EXOSC6: variants seen among roughly 807,000 people sequenced by gnomAD.
EXOSC6 encodes the protein exosome complex component MTR3.
EXOSC6 carries 21 observed loss-of-function variants against 16.7 expected under a neutral mutation model. That is an observed-to-expected ratio of 1.26 (90% CI 0.89 to 1.82). The LOEUF is 1.82. EXOSC6 is among the 40% of genes most tolerant of loss of function. EXOSC6 has a pLI of 0.00. For missense variants in EXOSC6, 538 were observed against 415.7 expected, an observed-to-expected ratio of 1.29 and a Z score of -2.56; for synonymous variants, 297 against 217.1, an observed-to-expected ratio of 1.37 and a Z score of -3.24.
At position 70,251,361 on chromosome 16, in the gene EXOSC6, C is replaced by A; in HGVS notation, c.540G>T (p.Val180=). The A allele has an allele frequency of 7.2e-7, 1 of 1,385,664 alleles. No individual in the cohort carries two copies. The highest frequency in any genetic ancestry group is 9.3e-7 in the Non-Finnish European group (1 of 1,075,684). The allele number at this position is 1,385,664 out of a possible 1,614,324, so 85.8% of individuals were successfully genotyped here. ...GCGCGAGGCTGAGGCCGCAGCCCACCACCAGGTCGTACATCTCCACGCCCG... is the reference window on the plus strand; with the variant it reads ...GCGCGAGGCTGAGGCCGCAGCCCACAACCAGGTCGTACATCTCCACGCCCG... The part of the protein sequence containing the change: ...ADAGVEMYDL[V]VGCGLSLAPG... The change falls in exon 1 of 1, where the codon GTG becomes GTT. Residue 180 remains valine (V), a synonymous_variant. Coordinates refer to ENST00000435634, the MANE Select transcript of EXOSC6 (RefSeq NM_058219.3).
rs963013087 is a variant in EXOSC6, at chr16:70,250,828, G to T, written c.*254C>A. 4.9e-6 allele frequency: 2 copies of T among 409,570 alleles called. No homozygotes were observed. Among genetic ancestry groups the T allele is most frequent in the East Asian group, 7.3e-5 (2 of 27,254 alleles). The allele number at this position is 409,570 out of a possible 1,614,324, so 25.4% of individuals were successfully genotyped here. A position where few individuals can be genotyped will look rare whatever the true frequency, so the allele number is the denominator to read the frequency against. ...AAGAAACCCTGTCTCTAAAAAAAAG[G>T]TCCAGGTAATTTCAGGGTCCAGCTC... is the stretch of plus-strand genomic sequence containing the variant. On this transcript the variant is annotated 3_prime_UTR_variant, in exon 1 of 1. Transcript: ENST00000435634.
chr16:70,251,775 G>A lies in EXOSC6; in HGVS notation c.126C>T (p.Arg42=). The change falls in exon 1 of 1, where the codon CGC becomes CGT. Residue 42 remains arginine, a synonymous_variant. Transcript: ENST00000435634. ...CCTTGGCCTGGCTCAGCAGCCCGGCGCGCGCGTACACGGGCCGTAGCCGCG... is the reference window on the plus strand; with the variant it reads ...CCTTGGCCTGGCTCAGCAGCCCGGCACGCGCGTACACGGGCCGTAGCCGCG... ...DPTRLRPVYA[R]AGLLSQAKGS... 7 of 1,444,856 alleles carry A rather than the reference G, an allele frequency of 4.8e-6. No individual in the cohort carries two copies. Among genetic ancestry groups the A allele is most frequent in the Non-Finnish European group, 6.3e-6 (7 of 1,110,688 alleles). 89.5% of individuals were successfully genotyped at this position (1,444,856 alleles called of 1,614,324 possible).
rs1433367382 is a variant in EXOSC6 at position 70,251,679 on chromosome 16, G to A, written c.222C>T (p.Gly74=). The change falls in exon 1 of 1, where the codon GGC becomes GGT. Residue 74 remains glycine (G), a synonymous_variant. Transcript: ENST00000435634. The part of the protein sequence containing the change: ...CAVSGPRQAE[G]GERGGGPAGA... ...CGGCCGGGCCGCCGCCGCGCTCGCC[G>A]CCCTCGGCCTGTCGCGGGCCCGACA... The A allele has an allele frequency of 9.6e-6, 12 of 1,244,914 alleles. No individual in the cohort carries two copies. Among genetic ancestry groups the A allele is most frequent in the Non-Finnish European group, 1.2e-5 (12 of 997,770 alleles). 77.1% of individuals were successfully genotyped at this position (1,244,914 alleles called of 1,614,324 possible).
Position 70,251,347 on chromosome 16 carries a change from A to G in EXOSC6, c.554T>C (p.Leu185Pro), listed in dbSNP as rs2152148321. 1.4e-6 allele frequency: 2 copies of G among 1,379,594 alleles called. No individual in the cohort carries two copies. Among genetic ancestry groups the G allele is most frequent in the Non-Finnish European group, 9.3e-7 (1 of 1,072,744 alleles). 85.5% of individuals were successfully genotyped at this position (1,379,594 alleles called of 1,614,324 possible). ...EMYDLVVGCG[L>P]SLAPGPAPTW... ...GGGCGCGGGCCCCGGCGCGAGGCTG[A>G]GGCCGCAGCCCACCACCAGGTCGTA... Residue 185 changes from leucine to proline, a missense_variant, in exon 1 of 1, where the codon CTC (leucine) becomes CCC (proline). By Grantham distance (98) the Leu-to-Pro change is moderately conservative. Coordinates refer to ENST00000435634, the MANE Select transcript of EXOSC6 (RefSeq NM_058219.3).
Position 70,251,042 on chromosome 16 carries a change from C to A in EXOSC6, c.*40G>T, listed in dbSNP as rs199955950. 5.9e-5 allele frequency: 85 copies of A among 1,430,320 alleles called. No homozygotes were observed. The highest frequency in any genetic ancestry group is 7.1e-5 in the Non-Finnish European group (78 of 1,099,178). The allele number at this position is 1,430,320 out of a possible 1,614,324, so 88.6% of individuals were successfully genotyped here. A position where few individuals can be genotyped will look rare whatever the true frequency, so the allele number is the denominator to read the frequency against. On this transcript the variant is annotated 3_prime_UTR_variant, in exon 1 of 1. Coordinates refer to ENST00000435634, the MANE Select transcript of EXOSC6 (RefSeq NM_058219.3). Reference sequence around the variant, plus strand: ...GGTCTTTTCGTGGACGGCGGCAGCACGGTCCTCGGCTTGCGTCCGTAGTTG... The same window carrying A: ...GGTCTTTTCGTGGACGGCGGCAGCAAGGTCCTCGGCTTGCGTCCGTAGTTG...
chr16:70,251,104 C>G lies in EXOSC6; in HGVS notation c.797G>C (p.Arg266Thr), dbSNP rs781189003. 4.7e-6 allele frequency: 7 copies of G among 1,493,500 alleles called. No homozygotes were observed. In the African/African-American group the frequency reaches 5.9e-5, roughly 12 times the overall value. 92.5% of individuals were successfully genotyped at this position (1,493,500 alleles called of 1,614,324 possible). A position where few individuals can be genotyped will look rare whatever the true frequency, so the allele number is the denominator to read the frequency against. The change falls in exon 1 of 1, where the codon AGG becomes ACG. Residue 266 changes from arginine (R) to threonine (T), a missense_variant. Transcript: ENST00000435634. ...GGTTCAGGGCTGGGCGGCGGCGCCC[C>G]TGCGGCGGGCGGCCCGCACCAGGCT... is the stretch of plus-strand genomic sequence containing the variant. Reference protein sequence around the residue: ...QQSLVRAARRRGAAAQP With the variant: ...QQSLVRAARRTGAAAQP
In EXOSC6 at chr16:70,249,579, A is replaced by G. The variant is rs1597429502; in HGVS notation, c.*1503T>C. The G allele has an allele frequency of 1.3e-5, 2 of 152,272 alleles. No individual in the cohort carries two copies. Among genetic ancestry groups the G allele is most frequent in the African/African-American group, 4.8e-5 (2 of 41,548 alleles). 9.4% of individuals were successfully genotyped at this position (152,272 alleles called of 1,614,324 possible). On this transcript the variant is annotated 3_prime_UTR_variant, in exon 1 of 1. Transcript: ENST00000435634. ...TATTTAGTTCTTGTCTCCCTCTACA[A>G]ATGTGAAGCACTCTTCTATCCGGCA...
rs1959754381 is a variant in EXOSC6, at chr16:70,249,226, CCATCTCTACTAAAAATA to C, written c.*1839_*1855del. On this transcript the variant is annotated 3_prime_UTR_variant, in exon 1 of 1. Transcript: ENST00000435634. ...CCAGCATGGCCAACACAATGAAAAT[CCATCTCTACTAAAAATA>C]CAAAAATTAGCCAGGCTAATGGCAC... 3 of 151,736 alleles carry C rather than the reference CCATCTCTACTAAAAATA, an allele frequency of 2.0e-5. No homozygotes were observed. The South Asian group carries it at 6.3e-4, about 32-fold the overall frequency. The allele number at this position is 151,736 out of a possible 1,614,324, so 9.4% of individuals were successfully genotyped here. A position where few individuals can be genotyped will look rare whatever the true frequency, so the allele number is the denominator to read the frequency against.
Position 70,251,332 on chromosome 16 carries a change from C to A in EXOSC6, c.569G>T (p.Gly190Val), listed in dbSNP as rs1375003669. Residue 190 changes from glycine to valine, a missense_variant, in exon 1 of 1, where the codon GGG becomes GTG. Physicochemically the swap from Gly to Val is moderately radical, Grantham distance 109 (BLOSUM62 -3). Coordinates refer to ENST00000435634, the MANE Select transcript of EXOSC6 (RefSeq NM_058219.3). ...VVGCGLSLAP[G>V]PAPTWLLDPT... ...GTCCAGGAGCCAGGTGGGCGCGGGC[C>A]CCGGCGCGAGGCTGAGGCCGCAGCC... The A allele has an allele frequency of 3.6e-6, 5 of 1,380,838 alleles. No homozygotes were observed. In the South Asian group the frequency reaches 5.0e-5, roughly 14 times the overall value. 85.5% of individuals were successfully genotyped at this position (1,380,838 alleles called of 1,614,324 possible).
In EXOSC6 at chr16:70,251,490, G is replaced by A. The variant is rs1396593634; in HGVS notation, c.411C>T (p.Gly137=). The A allele has an allele frequency of 7.6e-7, 1 of 1,311,020 alleles. No homozygotes were observed. Among genetic ancestry groups the A allele is most frequent in the African/African-American group, 1.5e-5 (1 of 65,078 alleles). The allele number at this position is 1,311,020 out of a possible 1,614,324, so 81.2% of individuals were successfully genotyped here. A position where few individuals can be genotyped will look rare whatever the true frequency, so the allele number is the denominator to read the frequency against. The change falls in exon 1 of 1, where the codon GGC becomes GGT. Residue 137 remains glycine (G), a synonymous_variant. Transcript: ENST00000435634. ...QEALEPAVRL[G]RYPRAQLEVS... The stretch of plus-strand genomic sequence containing the variant: ...CCTCGAGCTGCGCGCGCGGGTAGCG[G>A]CCCAGGCGCACAGCCGGCTCCAGCG...
chr16:70,251,565 A>C lies in EXOSC6; in HGVS notation c.336T>G (p.Ala112=). 8.8e-7 allele frequency: 1 copy of C among 1,130,402 alleles called. No homozygotes were observed. Among genetic ancestry groups the C allele is most frequent in the South Asian group, 4.2e-5 (1 of 23,906 alleles). The allele number at this position is 1,130,402 out of a possible 1,614,324, so 70.0% of individuals were successfully genotyped here. A position where few individuals can be genotyped will look rare whatever the true frequency, so the allele number is the denominator to read the frequency against. ...CACGCTCCTCGCAGCCGCCCGGGGG[A>C]GCGCGGCGCCGGCGGCCCGCGAAGG... is the stretch of plus-strand genomic sequence containing the variant. The part of the protein sequence containing the change: ...RAPFAGRRRR[A]PPGGCEEREL... The change falls in exon 1 of 1, where the codon GCT becomes GCG. Residue 112 remains alanine, a synonymous_variant. Coordinates refer to ENST00000435634, the MANE Select transcript of EXOSC6 (RefSeq NM_058219.3).
chr16:70,250,980 C>T lies in EXOSC6; in HGVS notation c.*102G>A. 1 of 1,385,686 alleles carries T rather than the reference C, an allele frequency of 7.2e-7. No homozygotes were observed. The allele number at this position is 1,385,686 out of a possible 1,614,324, so 85.8% of individuals were successfully genotyped here. Reference sequence around the variant, plus strand: ...AACCACAGTCATATCAGGGCCCTTCCAGGAATTCTCGACGCAAACTGGAGG... The same window carrying T: ...AACCACAGTCATATCAGGGCCCTTCTAGGAATTCTCGACGCAAACTGGAGG... On this transcript the variant is annotated 3_prime_UTR_variant, in exon 1 of 1. Coordinates refer to ENST00000435634, the MANE Select transcript of EXOSC6 (RefSeq NM_058219.3).
In EXOSC6 at chr16:70,251,406, G is replaced by A; in HGVS notation, c.495C>T (p.Ala165=). 5.2e-6 allele frequency: 7 copies of A among 1,341,354 alleles called. No homozygotes were observed. The highest frequency in any genetic ancestry group is 6.6e-6 in the Non-Finnish European group (7 of 1,053,112). 83.1% of individuals were successfully genotyped at this position (1,341,354 alleles called of 1,614,324 possible). The change falls in exon 1 of 1, where the codon GCC becomes GCT. Residue 165 remains alanine (A), a synonymous_variant. Coordinates refer to ENST00000435634, the MANE Select transcript of EXOSC6 (RefSeq NM_058219.3). ...GSALAAALTA[A]ALALADAGVE... ...CGCCCGCGTCGGCCAGGGCGAGCGCGGCGGCGGTGAGCGCGGCGGCCAGGG... is the reference window on the plus strand; with the variant it reads ...CGCCCGCGTCGGCCAGGGCGAGCGCAGCGGCGGTGAGCGCGGCGGCCAGGG...
rs1487690347 is a variant in EXOSC6 at position 70,247,253 on chromosome 16, A to T, written c.*3829T>A. 1.9e-5 allele frequency: 3 copies of T among 155,010 alleles called. No homozygotes were observed. The highest frequency in any genetic ancestry group is 1.9e-4 in the Admixed American group (3 of 15,860). 9.6% of individuals were successfully genotyped at this position (155,010 alleles called of 1,614,324 possible). ...CATCTCAAAAAAAAAAATAATTAAT[A>T]AATAAATAAAATAAATATACTGAAA... On this transcript the variant is annotated 3_prime_UTR_variant, in exon 1 of 1. Coordinates refer to ENST00000435634, the MANE Select transcript of EXOSC6 (RefSeq NM_058219.3).
In EXOSC6 at chr16:70,251,922, C is replaced by G. The variant is rs1344318902; in HGVS notation, c.-22G>C. On this transcript the variant is annotated 5_prime_UTR_variant, in exon 1 of 1. Transcript: ENST00000435634. ...GCATGGCGGTTCTTGGCGTGCGAACCCCTTCCGCCCAACGCCCTGCCGCAT... is the reference window on the plus strand; with the variant it reads ...GCATGGCGGTTCTTGGCGTGCGAACGCCTTCCGCCCAACGCCCTGCCGCAT... 3.4e-6 allele frequency: 5 copies of G among 1,481,804 alleles called. No individual in the cohort carries two copies. The South Asian group carries it at 5.1e-5, about 15-fold the overall frequency. The allele number at this position is 1,481,804 out of a possible 1,614,324, so 91.8% of individuals were successfully genotyped here. A position where few individuals can be genotyped will look rare whatever the true frequency, so the allele number is the denominator to read the frequency against.
rs35401075 is a variant in EXOSC6, at chr16:70,248,771, C to CTTTTTTTTT, written c.*2302_*2310dup. The CTTTTTTTTT allele has an allele frequency of 2.0e-5, 2 of 98,134 alleles. No homozygotes were observed. The highest frequency in any genetic ancestry group is 4.2e-5 in the Non-Finnish European group (2 of 47,484). 6.1% of individuals were successfully genotyped at this position (98,134 alleles called of 1,614,324 possible). ...CACCATGCCTGACTTATTTTTTTTCCTTTTTTTTTTTTTTTTTTTTTTTTG... is the reference window on the plus strand; with the variant it reads ...CACCATGCCTGACTTATTTTTTTTCCTTTTTTTTTTTTTTTTTTTTTTTTTTTTTTTTTG... On this transcript the variant is annotated 3_prime_UTR_variant, in exon 1 of 1. Coordinates refer to ENST00000435634, the MANE Select transcript of EXOSC6 (RefSeq NM_058219.3).
At position 70,251,567 on chromosome 16, in the gene EXOSC6, C is replaced by G. The variant is rs867003845; in HGVS notation, c.334G>C (p.Ala112Pro). The G allele has an allele frequency of 1.8e-5, 20 of 1,121,506 alleles. No homozygotes were observed. The highest frequency in any genetic ancestry group is 2.2e-5 in the Non-Finnish European group (20 of 919,744). 69.5% of individuals were successfully genotyped at this position (1,121,506 alleles called of 1,614,324 possible). Reference protein sequence around the residue: ...RAPFAGRRRRAPPGGCEEREL... With the variant: ...RAPFAGRRRRPPPGGCEEREL... ...CGCTCCTCGCAGCCGCCCGGGGGAG[C>G]GCGGCGCCGGCGGCCCGCGAAGGGT... is the stretch of plus-strand genomic sequence containing the variant. Residue 112 changes from alanine to proline, a missense_variant, in exon 1 of 1, where the codon GCT becomes CCT. Ala to Pro is a conservative substitution (Grantham distance 27, BLOSUM62 -1). Transcript: ENST00000435634.
rs564868743 is a variant in EXOSC6, at chr16:70,250,773, C to G, written c.*309G>C. On this transcript the variant is annotated 3_prime_UTR_variant, in exon 1 of 1. Transcript: ENST00000435634. Reference sequence around the variant, plus strand: ...CTTTGGGAGGCCAAGGCAGGAGGATCAATCAAGGCTAGGAGTTTGAGACTG... The same window carrying G: ...CTTTGGGAGGCCAAGGCAGGAGGATGAATCAAGGCTAGGAGTTTGAGACTG... 3.2e-6 allele frequency: 1 copy of G among 307,828 alleles called. No homozygotes were observed. Among genetic ancestry groups the G allele is most frequent in the East Asian group, 5.3e-5 (1 of 19,016 alleles). The allele number at this position is 307,828 out of a possible 1,614,324, so 19.1% of individuals were successfully genotyped here. A position where few individuals can be genotyped will look rare whatever the true frequency, so the allele number is the denominator to read the frequency against.
chr16:70,251,229 C>A lies in EXOSC6; in HGVS notation c.672G>T (p.Gly224=). Residue 224 remains glycine, a synonymous_variant, in exon 1 of 1, where the codon GGG becomes GGT. Coordinates refer to ENST00000435634, the MANE Select transcript of EXOSC6 (RefSeq NM_058219.3). ...GGCCGCCCTCGCCGCTGCCCAGCAG[C>A]CCGGCCACCTGATTCAGCACAGGCA... ...ALMPVLNQVA[G]LLGSGEGGLT... The A allele has an allele frequency of 6.6e-7, 1 of 1,506,808 alleles. No individual in the cohort carries two copies. The highest frequency in any genetic ancestry group is 2.7e-5 in the East Asian group (1 of 36,956). The allele number at this position is 1,506,808 out of a possible 1,614,324, so 93.3% of individuals were successfully genotyped here. A position where few individuals can be genotyped will look rare whatever the true frequency, so the allele number is the denominator to read the frequency against.
Sources: allele counts gnomAD v4.1 joint callset, GRCh38; gene constraint gnomAD v4.1.1; transcripts MANE v1.5; gene names NCBI Gene and HGNC (gene_info 2026-07-23, HGNC 2026-07-21).